SCOC: variants seen among roughly 807,000 people sequenced by gnomAD.
The protein encoded by SCOC is short coiled coil protein.
In SCOC, 7 loss-of-function variants were observed where a neutral mutation model predicts 9.9. The ratio of observed to expected loss-of-function variants is 0.71; its 90% CI spans 0.40 to 1.33. The LOEUF (loss-of-function observed/expected upper bound fraction) is 1.33, where lower values mean the gene tolerates loss of function less well. Among genes scored for constraint, SCOC ranks in the 40% most tolerant of loss-of-function variants. SCOC has a pLI of 0.01. For missense variants in SCOC, 66 were observed against 89.7 expected (o/e 0.74, Z 1.07); for synonymous variants, 19 against 28.2 (o/e 0.67, Z 1.03).
chr4:140,382,652 A>G lies in SCOC; in HGVS notation c.*1548A>G, dbSNP rs1341696874. 6.6e-6 allele frequency: 1 copy of G among 152,598 alleles called. No individual in the cohort carries two copies. Among genetic ancestry groups the G allele is most frequent in the Non-Finnish European group, 1.5e-5 (1 of 67,994 alleles). 9.5% of individuals were successfully genotyped at this position (152,598 alleles called of 1,614,324 possible). ...TGCCACAGAATAGTGTATCTTATTT[A>G]AGTACCCAGTTACTGATTATTTAGG... On this transcript the variant is annotated 3_prime_UTR_variant, in exon 4 of 4. Coordinates refer to ENST00000608372, the MANE Select transcript of SCOC (RefSeq NM_001153484.2).
chr4:140,348,324 A>C (rs771244351), intron 2 of SCOC, among the ~76,000 whole-genome samples: 6 of 152,072 alleles, frequency 3.9e-5, no homozygotes, highest in Non-Finnish European at 8.8e-5. Context: ...TCACCCTCCA[A>C]CCTCTGATAA....
At chr4:140,358,812 G>C (rs1225375102) in intron 2 of SCOC, among the ~76,000 whole-genome samples, 2 of 152,138 alleles carry the variant, frequency 1.3e-5, no homozygotes, top group Admixed American at 1.3e-4. Context: ...TCTTAAAATA[G>C]AATCACCATT....
At chr4:140,275,190 G>A (rs1356018823) in intron 1 of SCOC, among the ~76,000 whole-genome samples, 1 of 152,102 alleles carries the variant, frequency 6.6e-6, no homozygotes, top group Non-Finnish European at 1.5e-5. Context: ...ATTTCAATAA[G>A]GTCTTTCCCT....
intron 1 of SCOC, among the ~76,000 whole-genome samples, chr4:140,272,144 C>T (rs1730860307): frequency 6.6e-6 from 1 of 151,412 alleles, no homozygotes; most frequent in Non-Finnish European, 1.5e-5. Context: ...GCAGGCTTGA[C>T]CTCCTGGGCT....
chr4:140,366,360 G>T, intron 2 of SCOC: 1 of 1,243,164 alleles, frequency 8.0e-7, no homozygotes, highest in Non-Finnish European at 1.1e-6. Context: ...CTAAGCTGGA[G>T]CCTTCTTGCC....
At chr4:140,374,343 A>T (rs1257638877) in intron 1 of SCOC, 2 of 354,114 alleles carry the variant, frequency 5.6e-6, no homozygotes, top group African/African-American at 4.3e-5. Context: ...ACAGTGTGTC[A>T]ACCTCACACT....
intron 1 of SCOC, among the ~76,000 whole-genome samples, chr4:140,333,467 TA>T (rs1355078072): frequency 6.6e-6 from 1 of 152,186 alleles, no homozygotes; most frequent in African/African-American, 2.4e-5. Context: ...ACCAAAAATG[TA>T]AACTCTGTGA....
At chr4:140,367,138 C>T (rs1379043188) in intron 2 of SCOC, among the ~76,000 whole-genome samples, 1 of 151,830 alleles carries the variant, frequency 6.6e-6, no homozygotes, top group Non-Finnish European at 1.5e-5. Context: ...CTGGGAGGTG[C>T]AGGTTGCAGT....
chr4:140,310,045 C>G (rs1204993907), intron 1 of SCOC, among the ~76,000 whole-genome samples: 2 of 152,228 alleles, frequency 1.3e-5, no homozygotes, highest in Non-Finnish European at 2.9e-5. Flanking sequence ...ATTTCTCTGA[C>G]CAGCACACCA....
chr4:140,267,965 A>G (rs1730767194), intron 1 of SCOC, among the ~76,000 whole-genome samples: 1 of 152,158 alleles, frequency 6.6e-6, no homozygotes, highest in Non-Finnish European at 1.5e-5. Flanking sequence ...CGGCCTGGGG[A>G]CGCCTTGCTG....
In SCOC at chr4:140,366,123, T is replaced by A. The variant is rs1473178744; in HGVS notation, c.71-12998T>A. On this transcript the variant is annotated intron_variant, in intron 2 of 4. Coordinates refer to the SCOC transcript ENST00000338517. ...TGTATAATGCAATTTTAAAAATCCA[T>A]GAGCAGCCTAGCATTTTAGAGCCTT... is the stretch of plus-strand genomic sequence containing the variant. 2.4e-5 allele frequency: 10 copies of A among 411,716 alleles called. No individual in the cohort carries two copies. The Admixed American group carries it at 3.7e-4, about 15-fold the overall frequency. The allele number at this position is 411,716 out of a possible 1,614,324, so 25.5% of individuals were successfully genotyped here. A position where few individuals can be genotyped will look rare whatever the true frequency, so the allele number is the denominator to read the frequency against.
At chr4:140,261,795 G>T (rs1224260288) in intron 1 of SCOC, among the ~76,000 whole-genome samples, 1 of 152,180 alleles carries the variant, frequency 6.6e-6, no homozygotes, top group Admixed American at 6.5e-5. Flanking sequence ...GCAAAGGGGA[G>T]GTGAGTTTGG....
At chr4:140,330,901 T>C (rs1732798649) in intron 1 of SCOC, among the ~76,000 whole-genome samples, 1 of 152,214 alleles carries the variant, frequency 6.6e-6, no homozygotes, top group Admixed American at 6.5e-5. Context: ...CCCATTGGGA[T>C]GAAAAAAACA....
upstream of SCOC, among the ~76,000 whole-genome samples, chr4:140,340,504 T>G (rs1469732989): frequency 2.0e-5 from 3 of 152,074 alleles, no homozygotes; most frequent in African/African-American, 7.2e-5. Context: ...AATACAAATT[T>G]TCTTCAACAA....
intron 3 of SCOC, among the ~76,000 whole-genome samples, chr4:140,380,439 C>G (rs924391791): frequency 6.6e-6 from 1 of 152,000 alleles, no homozygotes; most frequent in African/African-American, 2.4e-5. Flanking sequence ...ACCTCATGAT[C>G]CACCCGCCTC....
chr4:140,262,954 C>T (rs1222034042), intron 1 of SCOC, among the ~76,000 whole-genome samples: 4 of 152,142 alleles, frequency 2.6e-5, no homozygotes, highest in African/African-American at 7.2e-5. Flanking sequence ...CAATCACCTC[C>T]TGCCAGGCCC....
intron 2 of SCOC, among the ~76,000 whole-genome samples, chr4:140,364,063 T>C (rs1160935779): frequency 6.6e-6 from 1 of 151,992 alleles, no homozygotes; most frequent in Non-Finnish European, 1.5e-5. Flanking sequence ...GAAAAGGAAA[T>C]TCATGAAGCT....
intron 1 of SCOC, among the ~76,000 whole-genome samples, chr4:140,287,095 C>T (rs946494670): frequency 2.0e-5 from 3 of 151,890 alleles, no homozygotes; most frequent in Admixed American, 6.6e-5. Context: ...ATATAGATAC[C>T]ATAGATCACA....
At chr4:140,351,784 G>C (rs781581839) in intron 2 of SCOC, among the ~76,000 whole-genome samples, 3 of 151,900 alleles carry the variant, frequency 2.0e-5, no homozygotes, top group African/African-American at 7.3e-5. Flanking sequence ...AGGTATCAAG[G>C]GTCTGTATTC....
Sources: gnomAD v4.1 joint callset for allele counts (sites outside exome capture counted in the v4.1 genomes callset) on GRCh38, gnomAD v4.1.1 for gene constraint, MANE v1.5 for transcripts, NCBI Gene and HGNC (gene_info 2026-07-23, HGNC 2026-07-21) for gene names.